The following LHFPL3 variants were observed in gnomAD, a reference collection of about 807,000 sequenced individuals.
LHFPL3 encodes LHFPL tetraspan subfamily member 3.
In LHFPL3, 5 loss-of-function variants were observed where a neutral mutation model predicts 19.3. The observed-to-expected ratio is 0.26, with a 90% CI of 0.14 to 0.54. LHFPL3 has a LOEUF of 0.54. LHFPL3 is among the 20% of genes least tolerant of loss of function. The pLI is 0.94. For synonymous variants in LHFPL3, 133 were observed against 126.2 expected, an observed-to-expected ratio of 1.05 and a Z score of -0.36; for missense variants, 249 against 307.4, an observed-to-expected ratio of 0.81 and a Z score of 1.42.
In LHFPL3 at chr7:104,382,349, G is replaced by A. The variant is rs529481913; in HGVS notation, c.445+53125G>A. Among the ~76,000 whole-genome samples the A allele has an allele frequency of 1.3e-5, 2 of 152,300 alleles. 1 individual carries two copies. Among genetic ancestry groups the A allele is most frequent in the Middle Eastern group, 6.8e-3 (2 of 294 alleles). ...TTAAAAAAAACAAAATTAGCCAGGC[G>A]TGGTGGCGCATGCCTGTAATCCCAC... On this transcript the variant is annotated intron_variant, in intron 1 of 2. Coordinates refer to ENST00000424859, the MANE Select transcript of LHFPL3 (RefSeq NM_199000.3).
Position 104,679,021 on chromosome 7 carries a change from T to G in LHFPL3, c.446-57654T>G, listed in dbSNP as rs555313414. Among the ~76,000 whole-genome samples, 25 of 152,362 alleles carry G rather than the reference T, an allele frequency of 1.6e-4. 1 individual carries two copies. Among genetic ancestry groups the G allele is most frequent in the African/African-American group, 5.3e-4 (22 of 41,582 alleles). On this transcript the variant is annotated intron_variant, in intron 1 of 2. Coordinates refer to ENST00000424859, the MANE Select transcript of LHFPL3 (RefSeq NM_199000.3). ...TAGTTATTTATTGTTACGTGACAAA[T>G]TAATCCAAAACTTCGCAACTTAAAA...
At chr7:104,602,935 C>T (rs1473244202) in intron 1 of LHFPL3, among the ~76,000 whole-genome samples, 1 of 152,142 alleles carries the variant, frequency 6.6e-6, no homozygotes, top group Non-Finnish European at 1.5e-5. Context: ...TGACAATTAA[C>T]CTACTCCTAA....
At chr7:104,413,414 T>TA (rs1466009218) in intron 1 of LHFPL3, among the ~76,000 whole-genome samples, 1 of 152,224 alleles carries the variant, frequency 6.6e-6, no homozygotes, top group Admixed American at 6.5e-5. Flanking sequence ...GGCCAAGACT[T>TA]ATAAAGCATT....
chr7:104,906,320 A>G lies in LHFPL3; in HGVS notation c.*105A>G. Reference sequence around the variant, plus strand: ...TCAAGAAGGAATACGCCTGAGAGAGATCAGAGTATATAGATGAATATGAAC... The same window carrying G: ...TCAAGAAGGAATACGCCTGAGAGAGGTCAGAGTATATAGATGAATATGAAC... On this transcript the variant is annotated 3_prime_UTR_variant, in exon 3 of 3. Coordinates refer to ENST00000424859, the MANE Select transcript of LHFPL3 (RefSeq NM_199000.3). 7.8e-7 allele frequency: 1 copy of G among 1,276,490 alleles called. No homozygotes were observed. Among genetic ancestry groups the G allele is most frequent in the East Asian group, 2.5e-5 (1 of 39,754 alleles). 79.1% of individuals were successfully genotyped at this position (1,276,490 alleles called of 1,614,324 possible).
At chr7:104,343,771 C>T (rs867795874) in intron 1 of LHFPL3, among the ~76,000 whole-genome samples, 4 of 151,326 alleles carry the variant, frequency 2.6e-5, no homozygotes, top group Non-Finnish European at 4.4e-5. Flanking sequence ...CATACTAAAA[C>T]AACCATTTGT....
At chr7:104,664,053 T>A (rs1792279780) in intron 1 of LHFPL3, among the ~76,000 whole-genome samples, 1 of 152,252 alleles carries the variant, frequency 6.6e-6, no homozygotes, top group East Asian at 1.9e-4. Flanking sequence ...AGATAGATGA[T>A]GACTTTTAGA....
At chr7:104,522,896 G>C (rs530212505) in intron 1 of LHFPL3, among the ~76,000 whole-genome samples, 4 of 152,198 alleles carry the variant, frequency 2.6e-5, no homozygotes, top group Admixed American at 2.0e-4. Context: ...ATAAGAGGTA[G>C]ACCAGGCTGC....
intron 1 of LHFPL3, among the ~76,000 whole-genome samples, chr7:104,595,806 A>T (rs1185541859): frequency 6.6e-6 from 1 of 152,236 alleles, no homozygotes; most frequent in African/African-American, 2.4e-5. Flanking sequence ...CATCTCGCAG[A>T]TGGATCTCAG....
intron 1 of LHFPL3, among the ~76,000 whole-genome samples, chr7:104,351,428 T>G (rs926661721): frequency 6.6e-6 from 1 of 152,228 alleles, no homozygotes; most frequent in Non-Finnish European, 1.5e-5. Flanking sequence ...TGATTAACCT[T>G]GACTTCAAGG....
chr7:104,609,292 G>T (rs1791167927), intron 1 of LHFPL3, among the ~76,000 whole-genome samples: 1 of 151,714 alleles, frequency 6.6e-6, no homozygotes, highest in Non-Finnish European at 1.5e-5. Flanking sequence ...AAAAAAGTTA[G>T]CCACAGTTAG....
chr7:104,450,762 T>C (rs1792419796), intron 1 of LHFPL3, among the ~76,000 whole-genome samples: 1 of 152,034 alleles, frequency 6.6e-6, no homozygotes, highest in Non-Finnish European at 1.5e-5. Context: ...AACATTCTAT[T>C]AAGTAAAAGA....
intron 1 of LHFPL3, among the ~76,000 whole-genome samples, chr7:104,431,495 A>G (rs1423576644): frequency 3.3e-5 from 5 of 152,136 alleles, no homozygotes; most frequent in African/African-American, 1.2e-4. Context: ...AGAGGACAGT[A>G]CACTTTTCTC....
intron 2 of LHFPL3, among the ~76,000 whole-genome samples, chr7:104,793,844 A>G (rs1790068853): frequency 6.6e-6 from 1 of 152,220 alleles, no homozygotes; most frequent in African/African-American, 2.4e-5. Flanking sequence ...GTGGTGCCCA[A>G]AGAAACTGTG....
chr7:104,524,056 T>G (rs1302841839), intron 1 of LHFPL3, among the ~76,000 whole-genome samples: 2 of 152,050 alleles, frequency 1.3e-5, no homozygotes, highest in Non-Finnish European at 2.9e-5. Flanking sequence ...ATAGGATTGC[T>G]TTTCTCTTTT....
chr7:104,534,966 C>T (rs1193488499), intron 1 of LHFPL3, among the ~76,000 whole-genome samples: 1 of 152,102 alleles, frequency 6.6e-6, no homozygotes, highest in Non-Finnish European at 1.5e-5. Flanking sequence ...TTGCCTCTAC[C>T]ATGATTGACA....
chr7:104,804,238 T>C (rs1790310056), intron 2 of LHFPL3: 1 of 152,232 alleles, frequency 6.6e-6, no homozygotes, highest in Non-Finnish European at 1.5e-5. Context: ...GATATGCTGA[T>C]TCGCCAGCTT....
chr7:104,640,695 C>T (rs1391291909), intron 1 of LHFPL3, among the ~76,000 whole-genome samples: 7 of 152,088 alleles, frequency 4.6e-5, no homozygotes, highest in African/African-American at 9.7e-5. Context: ...CTAACTGATG[C>T]GAGATGGTAT....
intron 1 of LHFPL3, among the ~76,000 whole-genome samples, chr7:104,417,868 TCTTC>T (rs1791653419): frequency 7.7e-6 from 1 of 129,434 alleles, no homozygotes; most frequent in East Asian, 2.1e-4. Context: ...TTCTTCTTCT[TCTTC>T]TTCTTCTTCT....
chr7:104,563,043 A>T (rs1013756091), intron 1 of LHFPL3, among the ~76,000 whole-genome samples: 14 of 152,190 alleles, frequency 9.2e-5, no homozygotes, highest in Non-Finnish European at 1.8e-4. Context: ...GCCCATTCTC[A>T]GATCTCCAGC....
Sources: allele counts gnomAD v4.1 joint callset (sites outside exome capture counted in the v4.1 genomes callset), GRCh38; gene constraint gnomAD v4.1.1; transcripts MANE v1.5; gene names NCBI Gene and HGNC (gene_info 2026-07-23, HGNC 2026-07-21).